Variants in NPAS3 observed in about 807,000 individuals in gnomAD.
NPAS3 encodes the protein neuronal PAS domain-containing protein 3.
Under a neutral mutation model 73.1 loss-of-function variants are expected in NPAS3, and 14 were observed. That is an observed-to-expected ratio of 0.19 (90% CI 0.13 to 0.30). The LOEUF is 0.30. NPAS3 is among the 10% of genes least tolerant of loss of function. The pLI is 1.00. For synonymous variants in NPAS3, 620 were observed against 541.5 expected (o/e 1.14, Z -2.01); for missense variants, 1,096 against 1,250.0 (o/e 0.88, Z 1.86).
chr14:33,429,495 T>G (rs1326870372), intron 4 of NPAS3, among the ~76,000 whole-genome samples: 1 of 152,180 alleles, frequency 6.6e-6, no homozygotes, highest in Admixed American at 6.6e-5. Context: ...TTCTTAGCCA[T>G]CTATCTTACA....
At chr14:33,612,790 C>T (rs2057792089) in intron 5 of NPAS3, among the ~76,000 whole-genome samples, 1 of 152,124 alleles carries the variant, frequency 6.6e-6, no homozygotes, top group African/African-American at 2.4e-5. Context: ...TTCTGTTTAT[C>T]CCATAGAAAC....
At chr14:33,581,757 A>G (rs115009909) in intron 5 of NPAS3, among the ~76,000 whole-genome samples, 203 of 152,244 alleles carry the variant, frequency 1.3e-3, no homozygotes, top group African/African-American at 4.7e-3. Context: ...TACTTTTAGT[A>G]GAGATGGGAT....
At chr14:33,453,154 C>T (rs2049878115) in intron 4 of NPAS3, among the ~76,000 whole-genome samples, 1 of 152,152 alleles carries the variant, frequency 6.6e-6, no homozygotes, top group Non-Finnish European at 1.5e-5. Flanking sequence ...ACCAAGCCCC[C>T]GCTGCTCAGT....
At chr14:33,596,995 T>C (rs2057261682) in intron 5 of NPAS3, among the ~76,000 whole-genome samples, 1 of 152,198 alleles carries the variant, frequency 6.6e-6, no homozygotes, top group Non-Finnish European at 1.5e-5. Context: ...TGGTAGTGTG[T>C]TGTTCCCTCC....
chr14:33,049,897 G>T (rs2040643767), intron 1 of NPAS3, among the ~76,000 whole-genome samples: 1 of 152,218 alleles, frequency 6.6e-6, no homozygotes, highest in Non-Finnish European at 1.5e-5. Context: ...TGATTCACTG[G>T]AGGATAATTG....
intron 1 of NPAS3, among the ~76,000 whole-genome samples, chr14:33,045,291 T>C (rs1360109639): frequency 6.6e-6 from 1 of 152,164 alleles, no homozygotes; most frequent in Non-Finnish European, 1.5e-5. Context: ...CTATTTTCCA[T>C]CTGTATCTTT....
intron 1 of NPAS3, among the ~76,000 whole-genome samples, chr14:33,020,733 C>T (rs1595245677): frequency 6.6e-6 from 1 of 151,954 alleles, no homozygotes; most frequent in African/African-American, 2.4e-5. Flanking sequence ...ATCAGTGATT[C>T]CTTTCACCAC....
At chr14:33,091,351 A>G (rs146490544) in intron 2 of NPAS3, among the ~76,000 whole-genome samples, 3,489 of 152,300 alleles carry the variant, frequency 0.023, 138 homozygotes, top group African/African-American at 0.077. Context: ...ATGAGAGAAT[A>G]CTATAAACAC....
chr14:33,354,435 C>T (rs2045237576), intron 3 of NPAS3, among the ~76,000 whole-genome samples: 1 of 152,178 alleles, frequency 6.6e-6, no homozygotes, highest in South Asian at 2.1e-4. Context: ...GCTGTCTGCA[C>T]TCAGGCTTTT....
chr14:33,004,102 A>T (rs994022070), intron 1 of NPAS3, among the ~76,000 whole-genome samples: 2 of 152,194 alleles, frequency 1.3e-5, no homozygotes, highest in Non-Finnish European at 2.9e-5. Flanking sequence ...TGAATTATTA[A>T]TAGTGTGAAG....
intron 6 of NPAS3, among the ~76,000 whole-genome samples, chr14:33,719,492 C>CA (rs1368608553): frequency 6.6e-6 from 1 of 152,144 alleles, no homozygotes; most frequent in East Asian, 1.9e-4. Context: ...TTACTCAAAG[C>CA]AAATACATTA....
intron 2 of NPAS3, among the ~76,000 whole-genome samples, chr14:33,176,163 A>C (rs1439577965): frequency 6.6e-6 from 1 of 152,230 alleles, no homozygotes; most frequent in Non-Finnish European, 1.5e-5. Context: ...ATTATGCCAG[A>C]GAACAACCAA....
chr14:33,325,165 A>T (rs189819425), intron 3 of NPAS3, among the ~76,000 whole-genome samples: 6,241 of 151,958 alleles, frequency 0.041, 157 homozygotes, highest in Middle Eastern at 0.061. Flanking sequence ...TTTTTTTTTT[A>T]AAAAATTAAT....
chr14:33,364,996 CT>C lies in NPAS3; in HGVS notation c.386-2183del, dbSNP rs60522778. On this transcript the variant is annotated intron_variant, in intron 3 of 11. Coordinates refer to ENST00000356141, the Ensembl canonical transcript of NPAS3. ...TGTTATCTAAAATTAGTCCTTTTTT[CT>C]TTTTTTGGGGGAGGGGGGAGGGGAC... is the stretch of plus-strand genomic sequence containing the variant. Among the ~76,000 whole-genome samples the C allele has an allele frequency of 7.9e-3, 1,147 of 145,072 alleles. 14 individuals carry two copies. The highest frequency in any genetic ancestry group is 0.027 in the African/African-American group (1,071 of 39,176).
intron 2 of NPAS3, among the ~76,000 whole-genome samples, chr14:33,146,445 C>T (rs2044239971): frequency 1.3e-5 from 2 of 152,302 alleles, no homozygotes; most frequent in African/African-American, 4.8e-5. Flanking sequence ...TAGGATGGCA[C>T]TTGGCACGTG....
intron 1 of NPAS3, among the ~76,000 whole-genome samples, chr14:33,035,100 G>C (rs571372079): frequency 2.0e-5 from 3 of 152,074 alleles, no homozygotes; most frequent in Non-Finnish European, 4.4e-5. Context: ...TAATGAAAGG[G>C]CATCATTTAA....
intron 2 of NPAS3, among the ~76,000 whole-genome samples, chr14:33,144,369 C>G (rs2044165143): frequency 6.6e-6 from 1 of 152,168 alleles, no homozygotes; most frequent in African/African-American, 2.4e-5. Context: ...GTTTTGAAAT[C>G]AGTTATTGCT....
intron 2 of NPAS3, among the ~76,000 whole-genome samples, chr14:33,123,047 C>T (rs1431714642): frequency 6.6e-6 from 1 of 152,006 alleles, no homozygotes; most frequent in African/African-American, 2.4e-5. Context: ...GCCGGACTGT[C>T]ATTGCTGCAC....
rs76169278 is a variant in NPAS3 at position 33,163,156 on chromosome 14, T to G, written c.141-52026T>G. Among the ~76,000 whole-genome samples the G allele has an allele frequency of 5.7e-3, 871 of 152,374 alleles. 3 individuals carry two copies. Among genetic ancestry groups the G allele is most frequent in the Non-Finnish European group, 8.9e-3 (603 of 68,034 alleles). ...TTTTGCTTTGTTCAGACAAGCTATCTGGGCTATTGTGAAGCTTCACACAGC... is the reference window on the plus strand; with the variant it reads ...TTTTGCTTTGTTCAGACAAGCTATCGGGGCTATTGTGAAGCTTCACACAGC... On this transcript the variant is annotated intron_variant, in intron 2 of 11. Coordinates refer to ENST00000356141, the Ensembl canonical transcript of NPAS3.
Sources: gnomAD v4.1 joint callset for allele counts (sites outside exome capture counted in the v4.1 genomes callset) on GRCh38, gnomAD v4.1.1 for gene constraint, MANE v1.5 for transcripts, NCBI Gene and HGNC (gene_info 2026-07-23, HGNC 2026-07-21) for gene names.